ARHGEF1: variants seen among roughly 807,000 people sequenced by gnomAD.
The protein encoded by ARHGEF1 is 115 kDa guanine nucleotide exchange factor.
ARHGEF1 carries 40 observed loss-of-function variants against 119.7 expected under a neutral mutation model. The observed-to-expected ratio is 0.33, with a 90% CI of 0.26 to 0.44. The LOEUF (loss-of-function observed/expected upper bound fraction) is 0.44, where lower values mean the gene tolerates loss of function less well. Among genes scored for constraint, ARHGEF1 ranks in the 20% least tolerant of loss-of-function variants. The probability of loss-of-function intolerance (pLI) is 1.00; values close to 1 mark genes in which losing one functional copy is unlikely to be tolerated. For missense variants in ARHGEF1, 976 were observed against 1,268.3 expected (o/e 0.77, Z 3.50); for synonymous variants, 494 against 521.0 (o/e 0.95, Z 0.71).
chr19:41,914,425 C>G (rs978933592), intron 18 of ARHGEF1, among the ~76,000 whole-genome samples: 1 of 151,750 alleles, frequency 6.6e-6, no homozygotes, highest in Non-Finnish European at 1.5e-5. Flanking sequence ...TCCTCCACCC[C>G]TCAGTCTCTT....
chr19:41,919,594 AC>A (rs2074825371), upstream of ARHGEF1, among the ~76,000 whole-genome samples: 2 of 151,754 alleles, frequency 1.3e-5, no homozygotes, highest in African/African-American at 4.8e-5. Flanking sequence ...CACAACAGCA[AC>A]CCCCGAACAC....
chr19:41,912,509 TCC>T (rs1366768636), intron 18 of ARHGEF1, among the ~76,000 whole-genome samples: 1 of 152,166 alleles, frequency 6.6e-6, no homozygotes, highest in Non-Finnish European at 1.5e-5. Flanking sequence ...TCCAGCCCAG[TCC>T]CTGCTCTCTT....
intron 18 of ARHGEF1, among the ~76,000 whole-genome samples, chr19:41,912,641 C>T (rs1484235204): frequency 6.6e-6 from 1 of 152,354 alleles, no homozygotes; most frequent in South Asian, 2.1e-4. Context: ...ACCCACCTAT[C>T]CCCCCAGCAC....
chr19:41,888,974 T>A lies in ARHGEF1; in HGVS notation c.225+109T>A. ...CCTGGAGGGTCTGGAAAAGCAGATC[T>A]AGAACACAGAGAGCCAGATCTAGAA... On this transcript the variant is annotated intron_variant, in intron 4 of 28. Coordinates refer to ENST00000354532, the MANE Select transcript of ARHGEF1 (RefSeq NM_004706.4). The surrounding 1 kb of genome is among the most constrained non-coding windows in gnomAD (Gnocchi z 5.1). 1.1e-6 allele frequency: 1 copy of A among 888,996 alleles called. No homozygotes were observed. The highest frequency in any genetic ancestry group is 1.7e-6 in the Non-Finnish European group (1 of 585,990). The allele number at this position is 888,996 out of a possible 1,614,324, so 55.1% of individuals were successfully genotyped here. A position where few individuals can be genotyped will look rare whatever the true frequency, so the allele number is the denominator to read the frequency against.
intron 18 of ARHGEF1, among the ~76,000 whole-genome samples, chr19:41,913,276 C>G: frequency 6.6e-6 from 1 of 151,070 alleles, no homozygotes; most frequent in East Asian, 2.0e-4. Context: ...CGCCCGCCCG[C>G]CCGCCGCTCG....
At chr19:41,919,512 T>TACACACAC (rs60525805), upstream of ARHGEF1, among the ~76,000 whole-genome samples, 339 of 146,586 alleles carry the variant, frequency 2.3e-3, 2 homozygotes, top group African/African-American at 8.0e-3. Flanking sequence ...CGTGCACGCG[T>TACACACAC]ACACACACAC....
chr19:41,911,570 C>T (rs1222084040), downstream of ARHGEF1, among the ~76,000 whole-genome samples: 1 of 151,582 alleles, frequency 6.6e-6, no homozygotes, highest in African/African-American at 2.4e-5. Flanking sequence ...GCCTCCCGGC[C>T]TGAAGGCCGG....
chr19:41,901,939 C>T lies in ARHGEF1; in HGVS notation c.1320C>T (p.Asp440=), dbSNP rs782157380. 2.5e-6 allele frequency: 4 copies of T among 1,613,784 alleles called. No homozygotes were observed. The highest frequency in any genetic ancestry group is 1.7e-5 in the Admixed American group (1 of 60,026). The change falls in exon 15 of 29, where the codon GAC becomes GAT. Residue 440 remains aspartate, a synonymous_variant. Transcript: ENST00000354532. ...AHVRMLRVLH[D]LFFQPMAECL... is the part of the protein sequence containing the mutation. ...TGCGCATGCTGCGGGTGCTGCACGA[C>T]CTCTTCTTCCAGCCCATGGCAGAAT...
upstream of ARHGEF1, among the ~76,000 whole-genome samples, chr19:41,920,092 TCA>T (rs1555852315): frequency 2.0e-5 from 2 of 99,820 alleles, no homozygotes; most frequent in East Asian, 2.7e-4. Flanking sequence ...CATGACACGC[TCA>T]CAGACATACA....
rs1555849314 is a variant in ARHGEF1, at chr19:41,902,776, T to G, written c.1624-8T>G. On this transcript the variant is annotated splice_polypyrimidine_tract_variant and splice_region_variant and intron_variant, in intron 17 of 28. Transcript: ENST00000354532. This position sits in a 1 kb window ranked among gnomAD's most constrained non-coding sequence, Gnocchi z 6.5. ...TGGGCCATCGCAACACCAGCATGTT[T>G]CCCGCAGGAAGCTGAGAGCCGCCCG... is the stretch of plus-strand genomic sequence containing the variant. The G allele has an allele frequency of 1.2e-6, 2 of 1,613,240 alleles. No homozygotes were observed. The highest frequency in any genetic ancestry group is 2.2e-5 in the South Asian group (2 of 91,070).
At chr19:41,913,877 C>G (rs1555851508) in intron 18 of ARHGEF1, among the ~76,000 whole-genome samples, 1 of 151,196 alleles carries the variant, frequency 6.6e-6, no homozygotes, top group Non-Finnish European at 1.5e-5. Context: ...TCCCGAGACC[C>G]CTCCCCTCAG....
At position 41,906,061 on chromosome 19, in the gene ARHGEF1, C is replaced by T. The variant is rs782413715; in HGVS notation, c.2491+36C>T. 5 of 1,574,458 alleles carry T rather than the reference C, an allele frequency of 3.2e-6. No individual in the cohort carries two copies. Among genetic ancestry groups the T allele is most frequent in the Non-Finnish European group, 4.4e-6 (5 of 1,145,732 alleles). On this transcript the variant is annotated intron_variant, in intron 26 of 28. Coordinates refer to ENST00000354532, the MANE Select transcript of ARHGEF1 (RefSeq NM_004706.4). This position sits in a 1 kb window ranked among gnomAD's most constrained non-coding sequence, Gnocchi z 4.5. ...TCTGCCCCTCCAGGGTGGCCACCAG[C>T]CCAAACAGTGCCTCTGTTCCAACTA...
At chr19:41,898,114 G>A (rs987679974) in intron 13 of ARHGEF1, 7 of 1,374,236 alleles carry the variant, frequency 5.1e-6, no homozygotes, top group East Asian at 2.9e-5. Context: ...GACGAGCCAC[G>A]TATGTCAACC....
Position 41,903,251 on chromosome 19 carries a change from A to T in ARHGEF1, c.1739-56A>T. The T allele has an allele frequency of 6.5e-7, 1 of 1,544,994 alleles. No homozygotes were observed. Among genetic ancestry groups the T allele is most frequent in the Non-Finnish European group, 8.9e-7 (1 of 1,120,478 alleles). ...GTCCTTTGTCTAACCTTGGCTGCCC[A>T]ATCTGGAGCCTCCAGGGCAGGGGTT... On this transcript the variant is annotated intron_variant, in intron 18 of 28. Transcript: ENST00000354532. This position sits in a 1 kb window ranked among gnomAD's most constrained non-coding sequence, Gnocchi z 4.2.
At chr19:41,909,273 C>T, downstream of ARHGEF1, 1 of 1,232,682 alleles carries the variant, frequency 8.1e-7, no homozygotes, top group Non-Finnish European at 1.0e-6. This position sits in a 1 kb window ranked among gnomAD's most constrained non-coding sequence, Gnocchi z 5.2. Flanking sequence ...TACCCAGACT[C>T]ACCTCAGGGG....
rs1599646561 is a variant in ARHGEF1 at position 41,896,457 on chromosome 19, A to G, written c.1096A>G (p.Thr366Ala). 2 of 1,486,584 alleles carry G rather than the reference A, an allele frequency of 1.3e-6. No individual in the cohort carries two copies. The highest frequency in any genetic ancestry group is 4.8e-5 in the East Asian group (2 of 41,374). 92.1% of individuals were successfully genotyped at this position (1,486,584 alleles called of 1,614,324 possible). The change falls in exon 13 of 29, where the codon ACC becomes GCC. Residue 366 changes from threonine to alanine, a missense_variant. Thr to Ala is a moderately conservative substitution (Grantham distance 58). Coordinates refer to ENST00000354532, the MANE Select transcript of ARHGEF1 (RefSeq NM_004706.4). ...SLESLAPPES[T>A]DEGAETESPE... ...GGAGTCCTTGGCGCCCCCAGAGAGT[A>G]CCGACGAGGGGGCCGAAACCGAGAG...
downstream of ARHGEF1, chr19:41,908,051 T>C: frequency 2.2e-6 from 1 of 450,818 alleles, no homozygotes; most frequent in Non-Finnish European, 3.6e-6. The surrounding 1 kb of genome is among the most constrained non-coding windows in gnomAD (Gnocchi z 6.7). Context: ...CTCTGTCCTC[T>C]GTGGAGGGGG....
At chr19:41,908,337 G>A (rs978819529), downstream of ARHGEF1, 58 of 1,231,340 alleles carry the variant, frequency 4.7e-5, no homozygotes, top group Non-Finnish European at 5.4e-5. This position sits in a 1 kb window ranked among gnomAD's most constrained non-coding sequence, Gnocchi z 6.7. Context: ...CTCCAGCTCC[G>A]AGTCGCTGTC....
Position 41,904,248 on chromosome 19 carries a change from C to G in ARHGEF1, c.2026C>G (p.Leu676Val). 6.2e-7 allele frequency: 1 copy of G among 1,613,356 alleles called. No individual in the cohort carries two copies. The highest frequency in any genetic ancestry group is 8.5e-7 in the Non-Finnish European group (1 of 1,179,820). Reference sequence around the variant, plus strand: ...TGTGCTGCTGCTGGACGACCTGCTGCTGCTGCTCCAGCGCCAGGACGAGCG... The same window carrying G: ...TGTGCTGCTGCTGGACGACCTGCTGGTGCTGCTCCAGCGCCAGGACGAGCG... The part of the protein sequence containing the change: ...VHVLLLDDLL[L>V]LLQRQDERLL... The change falls in exon 22 of 29, where the codon CTG (leucine) becomes GTG (valine). Residue 676 changes from leucine (L) to valine (V), a missense_variant. Coordinates refer to ENST00000354532, the MANE Select transcript of ARHGEF1 (RefSeq NM_004706.4). The surrounding 1 kb of genome is among the most constrained non-coding windows in gnomAD (Gnocchi z 8.4).
Sources: gnomAD v4.1 joint callset for allele counts (sites outside exome capture counted in the v4.1 genomes callset) on GRCh38, gnomAD v4.1.1 for gene constraint, Gnocchi (gnomAD v3.1) non-coding constraint, MANE v1.5 for transcripts, NCBI Gene and HGNC (gene_info 2026-07-23, HGNC 2026-07-21) for gene names.